The following RBFOX3 variants were observed in gnomAD, a reference collection of about 807,000 sequenced individuals.
RBFOX3 encodes RNA binding fox-1 homolog 3.
RBFOX3 carries 17 observed loss-of-function variants against 48.7 expected under a neutral mutation model. The observed-to-expected ratio is 0.35, with a 90% CI of 0.24 to 0.52. The LOEUF is 0.52. Ranked by LOEUF, RBFOX3 falls within the 20% of genes least tolerant of loss-of-function variation. The pLI is 0.94. For synonymous variants in RBFOX3, 212 were observed against 209.5 expected (o/e 1.01, Z -0.10); for missense variants, 382 against 497.5 (o/e 0.77, Z 2.21).
the RBFOX3 span, among the ~76,000 whole-genome samples, chr17:79,658,331 C>T: frequency 4.3e-5 from 5 of 114,986 alleles, no homozygotes; most frequent in Admixed American, 8.9e-5. Context: ...CTCTCTCCCT[C>T]CCTGTCTCCT....
At chr17:79,141,469 G>A (rs2041903960) in intron 4 of RBFOX3, among the ~76,000 whole-genome samples, 2 of 152,308 alleles carry the variant, frequency 1.3e-5, no homozygotes, top group Admixed American at 1.3e-4. Flanking sequence ...ATCACAAGAA[G>A]CCAGTGTTAA....
chr17:79,373,548 C>T (rs567378692), intron 2 of RBFOX3, among the ~76,000 whole-genome samples: 107 of 152,162 alleles, frequency 7.0e-4, no homozygotes, highest in African/African-American at 2.3e-3. Context: ...CCTGAACACA[C>T]ATCTGAGCAT....
At chr17:79,215,205 C>A (rs569360063) in intron 4 of RBFOX3, among the ~76,000 whole-genome samples, 1 of 152,258 alleles carries the variant, frequency 6.6e-6, no homozygotes, top group East Asian at 1.9e-4. Context: ...GGCTGAAGCT[C>A]CCAGGCCCCA....
chr17:79,151,321 C>T lies in RBFOX3; in HGVS notation c.-33-35573G>A, dbSNP rs566275688. ...CCTGGGTCAGCTGCCCCACGGGACG[C>T]GTGGTCCCGACGGCTCTGGGTCCAG... On this transcript the variant is annotated intron_variant, in intron 4 of 14. Coordinates refer to ENST00000693108, the MANE Select transcript of RBFOX3 (RefSeq NM_001350451.2). Among the ~76,000 whole-genome samples, 9 of 148,056 alleles carry T rather than the reference C, an allele frequency of 6.1e-5. No individual in the cohort carries two copies. In the East Asian group the frequency reaches 1.0e-3, roughly 17 times the overall value.
chr17:79,442,407 G>C (rs2071330694), intron 2 of RBFOX3, among the ~76,000 whole-genome samples: 1 of 142,662 alleles, frequency 7.0e-6, no homozygotes, highest in African/African-American at 2.7e-5. Context: ...GAGAGAAAGA[G>C]AGACAGAGAG....
At chr17:79,101,550 C>T (rs963276326) in intron 9 of RBFOX3, 34 bp downstream of exon 9, 2 of 1,536,904 alleles carry the variant, frequency 1.3e-6, no homozygotes, top group African/African-American at 1.4e-5. Context: ...AGCCAGTGAC[C>T]CCAGCAGCCT....
chr17:79,547,744 G>C (rs1555792373), intron 1 of RBFOX3, among the ~76,000 whole-genome samples: 1 of 152,230 alleles, frequency 6.6e-6, no homozygotes, highest in African/African-American at 2.4e-5. Context: ...GGCTGGGGGA[G>C]GACGCGGGAC....
intron 2 of RBFOX3, among the ~76,000 whole-genome samples, chr17:79,337,348 C>T (rs1181782488): frequency 6.6e-6 from 1 of 152,218 alleles, no homozygotes; most frequent in East Asian, 1.9e-4. Flanking sequence ...CCAGAACCAT[C>T]TCTCAAAGCC....
chr17:79,652,508 A>T, the RBFOX3 span, among the ~76,000 whole-genome samples: 1 of 146,712 alleles, frequency 6.8e-6, no homozygotes, highest in African/African-American at 2.5e-5. Context: ...AAAGGAAAGG[A>T]AAAGGAAAGG....
intron 5 of RBFOX3, among the ~76,000 whole-genome samples, chr17:79,110,999 G>C (rs1729708105): frequency 6.6e-6 from 1 of 152,262 alleles, no homozygotes; most frequent in African/African-American, 2.4e-5. Context: ...AGTGACCAAG[G>C]GCTGCAGCTC....
At chr17:79,281,888 C>A (rs962763411) in intron 3 of RBFOX3, among the ~76,000 whole-genome samples, 2 of 152,192 alleles carry the variant, frequency 1.3e-5, no homozygotes, top group African/African-American at 4.8e-5. Flanking sequence ...AGGAAGCCAT[C>A]ATCGGGGAAA....
At position 79,289,142 on chromosome 17, in the gene RBFOX3, A is replaced by G. The variant is rs549073652; in HGVS notation, c.-74+18582T>C. Among the ~76,000 whole-genome samples the G allele has an allele frequency of 4.2e-4, 64 of 152,250 alleles. 1 individual carries two copies. In the South Asian group the frequency reaches 6.2e-3, roughly 15 times the overall value. ...CCCAGATCCCAAAAGACACGCCCCT[A>G]TGCAGAGCCAGGGACACCAGGCCTC... On this transcript the variant is annotated intron_variant, in intron 3 of 14. Coordinates refer to ENST00000693108, the MANE Select transcript of RBFOX3 (RefSeq NM_001350451.2).
At chr17:79,130,958 C>T (rs1310693239) in intron 4 of RBFOX3, among the ~76,000 whole-genome samples, 3 of 152,378 alleles carry the variant, frequency 2.0e-5, no homozygotes, top group African/African-American at 2.4e-5. Flanking sequence ...TGCAAGGCAG[C>T]GTGCTCTGCG....
chr17:79,227,986 G>A (rs2060521608), intron 4 of RBFOX3, among the ~76,000 whole-genome samples: 1 of 152,162 alleles, frequency 6.6e-6, no homozygotes, highest in South Asian at 2.1e-4. Context: ...AGAGACAAGG[G>A]GCCCTGCGGT....
At chr17:79,165,665 C>T (rs1055467694) in intron 4 of RBFOX3, among the ~76,000 whole-genome samples, 7 of 152,220 alleles carry the variant, frequency 4.6e-5, no homozygotes, top group African/African-American at 1.4e-4. Context: ...TGGCTCCTTT[C>T]GCAGGTGCCT....
chr17:79,531,040 G>A (rs1272080509), intron 1 of RBFOX3, among the ~76,000 whole-genome samples: 4 of 152,350 alleles, frequency 2.6e-5, no homozygotes, highest in Admixed American at 1.3e-4. Context: ...GGTCGCTGGG[G>A]CTTTGTGCCC....
chr17:79,454,789 C>T (rs1157522623), intron 2 of RBFOX3, among the ~76,000 whole-genome samples: 3 of 152,190 alleles, frequency 2.0e-5, no homozygotes, highest in South Asian at 2.1e-4. Context: ...CTGACTGGAG[C>T]GACTTGGAAG....
chr17:79,474,342 G>A (rs906412963), intron 2 of RBFOX3, among the ~76,000 whole-genome samples: 1 of 152,224 alleles, frequency 6.6e-6, no homozygotes, highest in East Asian at 1.9e-4. Flanking sequence ...TGACGATGCA[G>A]TCACAAGTTC....
chr17:79,324,463 G>A (rs1331488213), intron 2 of RBFOX3, among the ~76,000 whole-genome samples: 2 of 152,202 alleles, frequency 1.3e-5, no homozygotes, highest in African/African-American at 4.8e-5. Flanking sequence ...AGTCACAGTT[G>A]GCACACAGCC....
Sources: allele counts gnomAD v4.1 joint callset (sites outside exome capture counted in the v4.1 genomes callset), GRCh38; gene constraint gnomAD v4.1.1; transcripts MANE v1.5; gene names NCBI Gene and HGNC (gene_info 2026-07-23, HGNC 2026-07-21).